CYTH1: variants seen among roughly 807,000 people sequenced by gnomAD.
The protein encoded by CYTH1 is cytohesin-1.
In CYTH1, 18 loss-of-function variants were observed where a neutral mutation model predicts 61.8. That is an observed-to-expected ratio of 0.29 (90% CI 0.20 to 0.43). The LOEUF (loss-of-function observed/expected upper bound fraction) is 0.43. Ranked by LOEUF, CYTH1 falls within the 20% of genes least tolerant of loss-of-function variation. CYTH1 has a pLI of 1.00. For synonymous variants in CYTH1, 174 were observed against 184.3 expected (o/e 0.94, Z 0.45); for missense variants, 336 against 510.5 (o/e 0.66, Z 3.29).
At chr17:78,719,921 A>C (rs2093213735) in intron 1 of CYTH1, among the ~76,000 whole-genome samples, 1 of 152,250 alleles carries the variant, frequency 6.6e-6, no homozygotes, top group South Asian at 2.1e-4. Flanking sequence ...TTTCAAACTT[A>C]GTACCTTAAA....
At chr17:78,744,676 A>G (rs920695961) in intron 1 of CYTH1, among the ~76,000 whole-genome samples, 7 of 152,242 alleles carry the variant, frequency 4.6e-5, no homozygotes, top group African/African-American at 1.7e-4. Flanking sequence ...GATATATGTA[A>G]TGTGTCAACA....
chr17:78,726,517 A>G (rs1315637239), intron 1 of CYTH1, among the ~76,000 whole-genome samples: 1 of 152,186 alleles, frequency 6.6e-6, no homozygotes, highest in Non-Finnish European at 1.5e-5. Flanking sequence ...GGCAGCCCGT[A>G]AATGCCAAAT....
At chr17:78,759,493 A>C (rs1414306895) in intron 1 of CYTH1, among the ~76,000 whole-genome samples, 11 of 152,212 alleles carry the variant, frequency 7.2e-5, no homozygotes, top group Admixed American at 7.2e-4. Context: ...TAAAAGGAAC[A>C]AAACAGAAAA....
intron 1 of CYTH1, among the ~76,000 whole-genome samples, chr17:78,753,568 C>T (rs1190452538): frequency 6.6e-6 from 1 of 152,008 alleles, no homozygotes; most frequent in Non-Finnish European, 1.5e-5. Flanking sequence ...TGCTGACATC[C>T]CTAATTACAT....
At chr17:78,749,101 T>C (rs540546965) in intron 1 of CYTH1, among the ~76,000 whole-genome samples, 2 of 152,252 alleles carry the variant, frequency 1.3e-5, no homozygotes, top group South Asian at 4.2e-4. Flanking sequence ...ATACCTGTTA[T>C]TGATTTAAAA....
intron 1 of CYTH1, among the ~76,000 whole-genome samples, chr17:78,742,761 A>C (rs2093346270): frequency 6.6e-6 from 1 of 152,200 alleles, no homozygotes; most frequent in Admixed American, 6.5e-5. Flanking sequence ...AGGCTGAGGC[A>C]GGAGAATCAC....
intron 9 of CYTH1, among the ~76,000 whole-genome samples, chr17:78,697,860 G>A (rs1044302748): frequency 6.6e-5 from 10 of 152,194 alleles, no homozygotes; most frequent in African/African-American, 2.2e-4. Flanking sequence ...CAGGTGCTCA[G>A]GGAACTGCCT....
At chr17:78,741,055 C>A (rs1460484773) in intron 1 of CYTH1, among the ~76,000 whole-genome samples, 2 of 152,176 alleles carry the variant, frequency 1.3e-5, no homozygotes, top group African/African-American at 2.4e-5. Flanking sequence ...AATAAATCAA[C>A]AAAGTAGAAG....
At chr17:78,740,063 G>C (rs1051238233) in intron 1 of CYTH1, among the ~76,000 whole-genome samples, 2 of 152,202 alleles carry the variant, frequency 1.3e-5, no homozygotes, top group African/African-American at 4.8e-5. Context: ...AGCCTCCCGA[G>C]TGGCTGGGAT....
chr17:78,759,612 C>T (rs1350107195), intron 1 of CYTH1, among the ~76,000 whole-genome samples: 2 of 152,182 alleles, frequency 1.3e-5, no homozygotes, highest in Non-Finnish European at 2.9e-5. Flanking sequence ...TTGCTTCTTT[C>T]ATCTGTTGAG....
intron 3 of CYTH1, among the ~76,000 whole-genome samples, chr17:78,704,587 T>C (rs2093046340): frequency 6.6e-6 from 1 of 152,182 alleles, no homozygotes; most frequent in Non-Finnish European, 1.5e-5. Flanking sequence ...GTGGTGTGAC[T>C]GTGGCTCACC....
intron 3 of CYTH1, 34 bp from the exon 4 acceptor site, chr17:78,702,638 T>C: frequency 1.9e-6 from 3 of 1,605,458 alleles, no homozygotes; most frequent in Non-Finnish European, 2.6e-6. Flanking sequence ...TTTTAGTACT[T>C]CAGGCCATCG....
At chr17:78,697,166 T>C (rs921051209) in intron 9 of CYTH1, among the ~76,000 whole-genome samples, 47 of 152,108 alleles carry the variant, frequency 3.1e-4, no homozygotes, top group African/African-American at 1.1e-3. Flanking sequence ...CATTTTAGCC[T>C]TCCCAGATGT....
At chr17:78,754,095 A>G (rs1187136161) in intron 1 of CYTH1, among the ~76,000 whole-genome samples, 1 of 151,758 alleles carries the variant, frequency 6.6e-6, no homozygotes, top group Non-Finnish European at 1.5e-5. Context: ...GCTATGTCAC[A>G]TTGTGTGTCA....
chr17:78,705,520 T>C (rs2093056259), intron 3 of CYTH1, among the ~76,000 whole-genome samples: 1 of 152,180 alleles, frequency 6.6e-6, no homozygotes, highest in Admixed American at 6.5e-5. Context: ...TACATGAGTA[T>C]ATTATTTCTG....
chr17:78,781,709 G>C (rs1307046416), intron 1 of CYTH1, among the ~76,000 whole-genome samples: 1 of 152,054 alleles, frequency 6.6e-6, no homozygotes, highest in Non-Finnish European at 1.5e-5. Context: ...TGCGGGGAAC[G>C]CGGGCCCGGC....
chr17:78,715,229 T>C (rs1025874775), intron 1 of CYTH1, among the ~76,000 whole-genome samples: 6 of 152,124 alleles, frequency 3.9e-5, no homozygotes, highest in African/African-American at 1.4e-4. Flanking sequence ...CTGGTGTCAG[T>C]ATAAGAGCCC....
chr17:78,682,621 G>T (rs2092775189), intron 11 of CYTH1, among the ~76,000 whole-genome samples: 1 of 152,346 alleles, frequency 6.6e-6, no homozygotes, highest in African/African-American at 2.4e-5. Flanking sequence ...GGCTAAGAAT[G>T]TTTCTATTGG....
intron 1 of CYTH1, among the ~76,000 whole-genome samples, chr17:78,741,918 ACT>A (rs2093343486): frequency 6.6e-6 from 1 of 152,178 alleles, no homozygotes; most frequent in East Asian, 1.9e-4. Context: ...CAGGTTTCCC[ACT>A]GTCAGGAAAA....
Sources: allele counts gnomAD v4.1 joint callset (sites outside exome capture counted in the v4.1 genomes callset), GRCh38; gene constraint gnomAD v4.1.1; transcripts MANE v1.5; gene names NCBI Gene and HGNC (gene_info 2026-07-23, HGNC 2026-07-21).